Variants in G3BP2 observed in about 807,000 individuals in gnomAD.
G3BP2 encodes ras GTPase-activating protein-binding protein 2.
G3BP2 carries 11 observed loss-of-function variants against 56.7 expected under a neutral mutation model. The observed-to-expected ratio is 0.19, with a 90% CI of 0.12 to 0.32. G3BP2 has a LOEUF of 0.32. Among genes scored for constraint, G3BP2 ranks in the 10% least tolerant of loss-of-function variants. The pLI is 1.00. For missense variants in G3BP2, 340 were observed against 610.9 expected, an observed-to-expected ratio of 0.56 and a Z score of 4.67; for synonymous variants, 165 against 191.6, an observed-to-expected ratio of 0.86 and a Z score of 1.15.
At chr4:75,655,607 A>T (rs1276248051) in intron 6 of G3BP2, among the ~76,000 whole-genome samples, 161 bp downstream of exon 6, 3 of 152,370 alleles carry the variant, frequency 2.0e-5, no homozygotes, top group Non-Finnish European at 2.9e-5. Flanking sequence ...ATTAAATAAA[A>T]CCATTCTTTC....
intron 3 of G3BP2, among the ~76,000 whole-genome samples, chr4:75,701,461 CTT>C (rs149019623): frequency 0.16 from 23,442 of 151,006 alleles, 1,887 homozygotes; most frequent in South Asian, 0.34. Flanking sequence ...GAGTTTCGCT[CTT>C]GTTGCCCAGA....
intron 2 of G3BP2, among the ~76,000 whole-genome samples, 197 bp from the exon 3 acceptor site, chr4:75,659,121 T>G (rs983480486): frequency 6.6e-6 from 1 of 152,216 alleles, no homozygotes; most frequent in African/African-American, 2.4e-5. Context: ...TCCATATGGT[T>G]GTTGTAAGGA....
chr4:75,647,928 G>A (rs1022492011), intron 9 of G3BP2, among the ~76,000 whole-genome samples: 1 of 152,118 alleles, frequency 6.6e-6, no homozygotes, highest in African/African-American at 2.4e-5. Flanking sequence ...TAGCTAACAA[G>A]GTAAACAAGT....
intron 3 of G3BP2, among the ~76,000 whole-genome samples, chr4:75,684,780 T>C (rs1718511302): frequency 2.6e-5 from 4 of 151,976 alleles, no homozygotes; most frequent in Admixed American, 2.6e-4. Context: ...ACATTCTGTA[T>C]ACATGTATGT....
At chr4:75,654,554 A>C (rs1217760362) in intron 7 of G3BP2, among the ~76,000 whole-genome samples, 1 of 152,220 alleles carries the variant, frequency 6.6e-6, no homozygotes, top group Non-Finnish European at 1.5e-5. Flanking sequence ...TTAACCTTTG[A>C]CTTTGAAGAA....
In G3BP2 at chr4:75,646,463, A is replaced by AG. The variant is rs2148941904; in HGVS notation, c.1058-8_1058-7insC. On this transcript the variant is annotated splice_region_variant and splice_polypyrimidine_tract_variant and intron_variant, in intron 10 of 11. Transcript: ENST00000359707. ...TCCACAACGTTTCCAAAACCTGTGAAAATATACATTACATCAAGGGTTAAA... is the reference window on the plus strand; with the variant it reads ...TCCACAACGTTTCCAAAACCTGTGAAGAATATACATTACATCAAGGGTTAAA... 1.4e-6 allele frequency: 2 copies of AG among 1,424,366 alleles called. No individual in the cohort carries two copies. Among genetic ancestry groups the AG allele is most frequent in the Non-Finnish European group, 2.0e-6 (2 of 1,007,078 alleles). 88.2% of individuals were successfully genotyped at this position (1,424,366 alleles called of 1,614,324 possible). A position where few individuals can be genotyped will look rare whatever the true frequency, so the allele number is the denominator to read the frequency against.
intron 1 of G3BP2, among the ~76,000 whole-genome samples, chr4:75,723,094 G>A (rs1184939997): frequency 1.3e-5 from 2 of 152,184 alleles, no homozygotes; most frequent in Non-Finnish European, 2.9e-5. Flanking sequence ...CAAGAATGAT[G>A]TCAGAGTTGA....
chr4:75,706,907 G>C (rs1719566544), intron 3 of G3BP2, among the ~76,000 whole-genome samples: 1 of 152,024 alleles, frequency 6.6e-6, no homozygotes, highest in African/African-American at 2.4e-5. Context: ...AAAGGGAAAA[G>C]AGTGGCCAGG....
chr4:75,657,800 C>T, intron 3 of G3BP2, 70 bp from the exon 4 acceptor site: 1 of 942,838 alleles, frequency 1.1e-6, no homozygotes, highest in Non-Finnish European at 1.6e-6. Context: ...ATATTACCTA[C>T]CCTCATTGAT....
chr4:75,685,549 A>G (rs912717085), intron 3 of G3BP2, among the ~76,000 whole-genome samples: 1 of 151,508 alleles, frequency 6.6e-6, no homozygotes, highest in African/African-American at 2.4e-5. Context: ...ATTTGATGGT[A>G]TTTGGTTCTT....
chr4:75,652,482 CG>C (rs1369350929), intron 8 of G3BP2, among the ~76,000 whole-genome samples: 2 of 152,054 alleles, frequency 1.3e-5, no homozygotes, highest in Non-Finnish European at 2.9e-5. Context: ...ATTAGCCAGG[CG>C]TGGTGGCGGG....
At chr4:75,652,089 A>G (rs867777629) in intron 8 of G3BP2, among the ~76,000 whole-genome samples, 3 of 152,238 alleles carry the variant, frequency 2.0e-5, no homozygotes, top group Admixed American at 6.5e-5. Context: ...ACGTTCTTTT[A>G]AAGTTTAAAT....
intron 2 of G3BP2, 79 bp from the exon 3 acceptor site, chr4:75,659,003 G>T: frequency 9.3e-7 from 1 of 1,073,236 alleles, no homozygotes; most frequent in Non-Finnish European, 1.5e-6. Context: ...CATAGACTAG[G>T]TTCCGGATCC....
intron 2 of G3BP2, among the ~76,000 whole-genome samples, chr4:75,660,470 A>C (rs1732462064): frequency 6.6e-6 from 1 of 152,290 alleles, no homozygotes; most frequent in East Asian, 1.9e-4. Flanking sequence ...TTACTTACTG[A>C]GTGATCCTAG....
At chr4:75,702,111 T>C (rs1408874082) in intron 3 of G3BP2, among the ~76,000 whole-genome samples, 2 of 151,594 alleles carry the variant, frequency 1.3e-5, no homozygotes, top group East Asian at 3.9e-4. Context: ...CCCTTTTAAA[T>C]CATTTATTTT....
intron 1 of G3BP2, among the ~76,000 whole-genome samples, chr4:75,665,642 C>T (rs80066925): frequency 4.6e-4 from 12 of 26,062 alleles, no homozygotes; most frequent in South Asian, 2.5e-3. Flanking sequence ...CACACACACA[C>T]AAACACACAA....
Position 75,673,373 on chromosome 4 carries a change from G to T in G3BP2, c.-190C>A, listed in dbSNP as rs1020930096. The T allele has an allele frequency of 2.4e-6, 3 of 1,231,060 alleles. No individual in the cohort carries two copies. Among genetic ancestry groups the T allele is most frequent in the Non-Finnish European group, 3.0e-6 (3 of 987,926 alleles). The allele number at this position is 1,231,060 out of a possible 1,614,324, so 76.3% of individuals were successfully genotyped here. A position where few individuals can be genotyped will look rare whatever the true frequency, so the allele number is the denominator to read the frequency against. On this transcript the variant is annotated 5_prime_UTR_variant, in exon 1 of 12. Transcript: ENST00000359707. The stretch of plus-strand genomic sequence containing the variant: ...TCTGCCTCACAACCACCTCTTCCCG[G>T]GCGCCAGGCGCTGCGACGTGCGACA...
intron 3 of G3BP2, among the ~76,000 whole-genome samples, chr4:75,698,386 G>C (rs116798332): frequency 0.012 from 1,844 of 152,224 alleles, 29 homozygotes; most frequent in African/African-American, 0.042. Context: ...TTCTTTCCTA[G>C]AGCCTTCAGA....
intron 1 of G3BP2, among the ~76,000 whole-genome samples, chr4:75,665,643 AAACACACAAACAAACACACACACAC>A (rs1732970204): frequency 2.5e-4 from 8 of 32,110 alleles, no homozygotes; most frequent in Admixed American, 8.0e-4. Flanking sequence ...ACACACACAC[AAACACACAAACAAACACACACACAC>A]ACACACACAC....
Sources: allele counts gnomAD v4.1 joint callset (sites outside exome capture counted in the v4.1 genomes callset), GRCh38; gene constraint gnomAD v4.1.1; transcripts MANE v1.5; gene names NCBI Gene and HGNC (gene_info 2026-07-23, HGNC 2026-07-21).